OPCML: variants seen among roughly 807,000 people sequenced by gnomAD.
OPCML encodes opioid-binding protein/cell adhesion molecule.
Under a neutral mutation model 37.8 loss-of-function variants are expected in OPCML, and 13 were observed. That is an observed-to-expected ratio of 0.34 (90% CI 0.22 to 0.55). The LOEUF is 0.55. OPCML is among the 20% of genes least tolerant of loss of function. The pLI, the probability that OPCML is intolerant of heterozygous loss-of-function variation, is 0.91. For missense variants in OPCML, 341 were observed against 435.6 expected (o/e 0.78, Z 1.93); for synonymous variants, 176 against 168.8 (o/e 1.04, Z -0.33).
chr11:132,759,793 T>A lies in OPCML; in HGVS notation c.147-102474A>T, dbSNP rs950404887. 2.6e-5 allele frequency among the ~76,000 whole-genome samples: 4 copies of A among 152,116 alleles called. No homozygotes were observed. In the South Asian group the frequency reaches 6.2e-4, roughly 24 times the overall value. On this transcript the variant is annotated intron_variant, in intron 2 of 7. Coordinates refer to ENST00000524381, the MANE Select transcript of OPCML (RefSeq NM_001012393.5). The stretch of plus-strand genomic sequence containing the variant: ...TTTGAAGGGTTTTTCGTGTCTCTAT[T>A]TTCTTCAGTTCTACTCTGATCTTAG...
intron 1 of OPCML, among the ~76,000 whole-genome samples, chr11:133,134,658 C>T (rs965377915): frequency 3.3e-5 from 5 of 152,314 alleles, no homozygotes; most frequent in African/African-American, 1.2e-4. Flanking sequence ...GTCTTGTCCG[C>T]TGTCTTCCTT....
chr11:133,458,887 G>C (rs1455760384), intron 1 of OPCML, among the ~76,000 whole-genome samples: 1 of 124,434 alleles, frequency 8.0e-6, no homozygotes, highest in South Asian at 2.3e-4. Context: ...ACACACACAT[G>C]TGTGTGTATA....
rs145160196 is a variant in OPCML, at chr11:133,291,087, C to T, written c.61+241177G>A. 1.9e-4 allele frequency among the ~76,000 whole-genome samples: 29 copies of T among 152,326 alleles called. No individual in the cohort carries two copies. The East Asian group carries it at 5.0e-3, about 26-fold the overall frequency. ...TTTCCTGCTTCGCTTGCATGTAACA[C>T]CAACATTATTCGTGCCACGCACAGC... On this transcript the variant is annotated intron_variant, in intron 1 of 7. Transcript: ENST00000524381.
chr11:133,436,711 A>C (rs12418267), intron 1 of OPCML, among the ~76,000 whole-genome samples: 17,747 of 152,214 alleles, frequency 0.12, 1,156 homozygotes, highest in African/African-American at 0.14. Context: ...TGTGACCTTG[A>C]ATAGTTACTA....
At chr11:132,735,490 G>T (rs1945222750) in intron 2 of OPCML, among the ~76,000 whole-genome samples, 2 of 151,978 alleles carry the variant, frequency 1.3e-5, no homozygotes, top group Non-Finnish European at 2.9e-5. Flanking sequence ...TGTTGTTGTT[G>T]TTGTTTTTTT....
At chr11:133,502,283 C>T (rs1458926239) in intron 1 of OPCML, among the ~76,000 whole-genome samples, 2 of 152,148 alleles carry the variant, frequency 1.3e-5, no homozygotes, top group African/African-American at 4.8e-5. Flanking sequence ...CGGCTTAGAG[C>T]CCACCCCCTC....
intron 1 of OPCML, among the ~76,000 whole-genome samples, chr11:133,077,645 A>C (rs1385405050): frequency 5.9e-5 from 9 of 152,228 alleles, no homozygotes; most frequent in Admixed American, 5.9e-4. Context: ...AAGCACAAGA[A>C]ATATGTTAAC....
intron 2 of OPCML, among the ~76,000 whole-genome samples, chr11:132,910,609 C>T (rs948820324): frequency 3.3e-5 from 5 of 152,182 alleles, no homozygotes; most frequent in African/African-American, 1.2e-4. Flanking sequence ...GAGGGCAGTG[C>T]CTCCCATTAC....
chr11:132,450,827 C>T (rs776491825), intron 4 of OPCML, among the ~76,000 whole-genome samples: 7 of 152,118 alleles, frequency 4.6e-5, no homozygotes, highest in Non-Finnish European at 8.8e-5. Flanking sequence ...GGATAAATTG[C>T]GTAACCACCC....
chr11:133,365,344 C>A, intron 1 of OPCML: 1 of 153,068 alleles, frequency 6.5e-6, no homozygotes, highest in South Asian at 1.9e-4. Flanking sequence ...AGTCCAAGAT[C>A]AAGGCACTGG....
rs150511602 is a variant in OPCML, at chr11:132,841,199, G to A, written c.146+101727C>T. Among the ~76,000 whole-genome samples, 905 of 152,314 alleles carry A rather than the reference G, an allele frequency of 5.9e-3. 3 individuals carry two copies. The highest frequency in any genetic ancestry group is 0.014 in the Middle Eastern group (4 of 294). On this transcript the variant is annotated intron_variant, in intron 2 of 7. Coordinates refer to ENST00000524381, the MANE Select transcript of OPCML (RefSeq NM_001012393.5). ...CCAAGACTTCGCACTGTGCTAGGGT[G>A]AGAGTACTCCCCACAACCCGAAGTG...
At chr11:132,911,198 T>C (rs924800832) in intron 2 of OPCML, among the ~76,000 whole-genome samples, 1 of 152,230 alleles carries the variant, frequency 6.6e-6, no homozygotes, top group African/African-American at 2.4e-5. Flanking sequence ...CCGCCATCAA[T>C]AATGTGCAGG....
chr11:132,733,184 A>T (rs1443116976), intron 2 of OPCML, among the ~76,000 whole-genome samples: 1 of 152,172 alleles, frequency 6.6e-6, no homozygotes, highest in African/African-American at 2.4e-5. Flanking sequence ...TGAGAAAGAA[A>T]ACAGAAGCCT....
chr11:133,291,785 A>G (rs1942483396), intron 1 of OPCML, among the ~76,000 whole-genome samples: 1 of 152,030 alleles, frequency 6.6e-6, no homozygotes, highest in South Asian at 2.1e-4. Context: ...TCAGCATTTT[A>G]CTCTCCACTG....
At chr11:133,117,759 G>C (rs147058113) in intron 1 of OPCML, 2 of 973,374 alleles carry the variant, frequency 2.1e-6, no homozygotes, top group African/African-American at 3.5e-5. Context: ...ATGTACAATT[G>C]CAATGGAATA....
At chr11:132,439,004 G>T (rs984519099) in intron 4 of OPCML, among the ~76,000 whole-genome samples, 7 of 152,118 alleles carry the variant, frequency 4.6e-5, no homozygotes, top group African/African-American at 1.7e-4. Flanking sequence ...TCTATTTATA[G>T]AAATGTCACT....
chr11:132,776,831 G>C (rs1946825993), intron 2 of OPCML, among the ~76,000 whole-genome samples: 1 of 152,154 alleles, frequency 6.6e-6, no homozygotes, highest in African/African-American at 2.4e-5. Flanking sequence ...GGACCAAGCA[G>C]CTATGGAGCC....
chr11:132,548,518 A>C (rs1292979409), intron 3 of OPCML, among the ~76,000 whole-genome samples: 1 of 152,190 alleles, frequency 6.6e-6, no homozygotes, highest in East Asian at 1.9e-4. Flanking sequence ...GGCATTTAAA[A>C]GTTAGATAAG....
chr11:132,804,858 T>C (rs1938904434), intron 2 of OPCML, among the ~76,000 whole-genome samples: 1 of 152,136 alleles, frequency 6.6e-6, no homozygotes, highest in African/African-American at 2.4e-5. Flanking sequence ...ATAATGCCAA[T>C]ATTCAACAAA....
Sources: allele counts gnomAD v4.1 joint callset (sites outside exome capture counted in the v4.1 genomes callset), GRCh38; gene constraint gnomAD v4.1.1; transcripts MANE v1.5; gene names NCBI Gene and HGNC (gene_info 2026-07-23, HGNC 2026-07-21).